The following COP1 variants were observed in gnomAD, a reference collection of about 807,000 sequenced individuals.
The protein encoded by COP1 is COP1 E3 ubiquitin ligase.
In COP1, 24 loss-of-function variants were observed where a neutral mutation model predicts 101.3. That is an observed-to-expected ratio of 0.24 (90% confidence interval 0.17 to 0.33). The LOEUF is 0.33. COP1 is among the 10% of genes least tolerant of loss of function. The probability of loss-of-function intolerance (pLI) is 1.00; values close to 1 mark genes in which losing one functional copy is unlikely to be tolerated. For missense variants in COP1, 663 were observed against 906.2 expected (o/e 0.73, Z 3.45); for synonymous variants, 347 against 341.9 (o/e 1.01, Z -0.17).
At chr1:176,195,749 C>T (rs1005812909) in intron 1 of COP1, among the ~76,000 whole-genome samples, 1 of 152,214 alleles carries the variant, frequency 6.6e-6, no homozygotes, top group African/African-American at 2.4e-5. Context: ...ACGGATGCAG[C>T]TGGAGTCCAT....
At chr1:176,132,387 G>A (rs1011753299) in intron 8 of COP1, among the ~76,000 whole-genome samples, 2 of 151,770 alleles carry the variant, frequency 1.3e-5, no homozygotes, top group South Asian at 2.1e-4. Context: ...TTCTTCCTAA[G>A]GTAGTGCAGT....
intron 15 of COP1, among the ~76,000 whole-genome samples, chr1:175,993,743 G>A (rs1016136305): frequency 6.6e-6 from 1 of 152,206 alleles, no homozygotes. Flanking sequence ...ATGCGACTAT[G>A]TGAAAAGACC....
At chr1:176,085,041 G>GA (rs1178387324) in intron 10 of COP1, among the ~76,000 whole-genome samples, 1 of 152,068 alleles carries the variant, frequency 6.6e-6, no homozygotes, top group Non-Finnish European at 1.5e-5. Flanking sequence ...GAAGAACAGA[G>GA]TTAAGAAAAA....
intron 9 of COP1, among the ~76,000 whole-genome samples, chr1:176,110,323 T>C (rs1324646941): frequency 6.6e-6 from 1 of 152,244 alleles, no homozygotes; most frequent in Non-Finnish European, 1.5e-5. Flanking sequence ...ATGTAGCCTC[T>C]GTTAAGTTCT....
intron 1 of COP1, among the ~76,000 whole-genome samples, chr1:176,192,065 C>T (rs992930027): frequency 2.0e-5 from 3 of 151,994 alleles, no homozygotes; most frequent in Admixed American, 2.0e-4. Flanking sequence ...AAGTAATAGC[C>T]ATGAAAAGAT....
Position 176,149,107 on chromosome 1 carries a change from A to T in COP1, c.763-33T>A, listed in dbSNP as rs12073415. The T allele has an allele frequency of 2.4e-4, 343 of 1,403,258 alleles. 1 individual carries two copies. The African/African-American group carries it at 4.4e-3, about 18-fold the overall frequency. 86.9% of individuals were successfully genotyped at this position (1,403,258 alleles called of 1,614,324 possible). On this transcript the variant is annotated intron_variant, in intron 5 of 19. Transcript: ENST00000367669. ...AGAAAATTATAATTTTTCTTTTAAA[A>T]AATATAACTGAGTTGAAAGTTTTCT... is the stretch of plus-strand genomic sequence containing the variant.
At chr1:175,971,926 G>C (rs891007947) in intron 18 of COP1, among the ~76,000 whole-genome samples, 1 of 152,076 alleles carries the variant, frequency 6.6e-6, no homozygotes, top group African/African-American at 2.4e-5. Flanking sequence ...ACTCAGGAGG[G>C]TTTGAGACAG....
chr1:175,962,986 T>C (rs977670884), intron 18 of COP1, among the ~76,000 whole-genome samples: 1 of 152,170 alleles, frequency 6.6e-6, no homozygotes, highest in Non-Finnish European at 1.5e-5. Context: ...TTTTTTAATA[T>C]GTGAGGGCAA....
intron 8 of COP1, among the ~76,000 whole-genome samples, chr1:176,118,289 G>C (rs1686544216): frequency 6.6e-6 from 1 of 151,822 alleles, no homozygotes; most frequent in African/African-American, 2.4e-5. Flanking sequence ...AACAAAATTA[G>C]TTAACATAAA....
chr1:175,947,277 A>G (rs1221205611), intron 18 of COP1, 38 bp from the exon 19 acceptor site: 2 of 1,449,802 alleles, frequency 1.4e-6, no homozygotes, highest in Admixed American at 3.4e-5. Context: ...ATAGAGAAGG[A>G]TTTCCTGGAG....
At chr1:176,035,395 T>C (rs1474014921) in intron 14 of COP1, among the ~76,000 whole-genome samples, 1 of 149,048 alleles carries the variant, frequency 6.7e-6, no homozygotes, top group Non-Finnish European at 1.5e-5. Flanking sequence ...GAATATGAGG[T>C]CTATGAGACA....
intron 11 of COP1, among the ~76,000 whole-genome samples, chr1:176,075,353 A>G (rs1198936528): frequency 2.0e-5 from 3 of 152,218 alleles, no homozygotes; most frequent in Admixed American, 6.5e-5. Context: ...AGATCTTCAT[A>G]TACATAATAA....
At chr1:176,172,184 GGAC>G (rs1356353273) in intron 3 of COP1, among the ~76,000 whole-genome samples, 2 of 152,150 alleles carry the variant, frequency 1.3e-5, no homozygotes, top group Non-Finnish European at 2.9e-5. Context: ...CAAGAAGCTA[GGAC>G]AACAGCTGCA....
At chr1:176,036,336 T>C (rs1669535310) in intron 14 of COP1, among the ~76,000 whole-genome samples, 2 of 150,282 alleles carry the variant, frequency 1.3e-5, no homozygotes, top group Admixed American at 6.6e-5. Context: ...TACAGAAAAA[T>C]CAACAAAACC....
Position 176,207,184 on chromosome 1 carries a change from C to T in COP1, c.-206G>A. The T allele has an allele frequency of 4.7e-6, 2 of 425,464 alleles. No individual in the cohort carries two copies. The highest frequency in any genetic ancestry group is 8.1e-6 in the Non-Finnish European group (2 of 245,562). The allele number at this position is 425,464 out of a possible 1,614,324, so 26.4% of individuals were successfully genotyped here. On this transcript the variant is annotated 5_prime_UTR_variant, in exon 1 of 20. Coordinates refer to ENST00000367669, the MANE Select transcript of COP1 (RefSeq NM_022457.7). The stretch of plus-strand genomic sequence containing the variant: ...GAGGGGGCGGAGGAAACTAAAAAAG[C>T]GGAGTAGAAGGCACTACCGCTGTCG...
chr1:176,148,511 G>A (rs1244304506), intron 6 of COP1, among the ~76,000 whole-genome samples: 1 of 151,952 alleles, frequency 6.6e-6, no homozygotes, highest in Non-Finnish European at 1.5e-5. Context: ...TTTTATAAAT[G>A]TTAAATTAGA....
At chr1:176,206,394 C>T in intron 1 of COP1, 178 bp downstream of exon 1, 1 of 646,186 alleles carries the variant, frequency 1.5e-6, no homozygotes, top group Non-Finnish European at 2.6e-6. Flanking sequence ...CATTCCTTCA[C>T]CCCACCAACC....
At chr1:175,945,800 C>G (rs1649096673) in intron 19 of COP1, among the ~76,000 whole-genome samples, 1 of 152,218 alleles carries the variant, frequency 6.6e-6, no homozygotes, top group South Asian at 2.1e-4. Flanking sequence ...TAGATGGACA[C>G]TACAACACTC....
chr1:176,073,080 A>C (rs550124260), intron 11 of COP1, among the ~76,000 whole-genome samples: 1 of 152,320 alleles, frequency 6.6e-6, no homozygotes, highest in Admixed American at 6.5e-5. Flanking sequence ...CATTAGGTTT[A>C]TCTTGGACAA....
Sources: gnomAD v4.1 joint callset for allele counts (sites outside exome capture counted in the v4.1 genomes callset) on GRCh38, gnomAD v4.1.1 for gene constraint, MANE v1.5 for transcripts, NCBI Gene and HGNC (gene_info 2026-07-23, HGNC 2026-07-21) for gene names.